TET3: variants seen among roughly 807,000 people sequenced by gnomAD.
TET3 encodes tet methylcytosine dioxygenase 3.
Under a neutral mutation model 141.4 loss-of-function variants are expected in TET3, and 19 were observed. The observed-to-expected ratio is 0.13, with a 90% CI of 0.09 to 0.20. TET3 has a LOEUF of 0.20. Ranked by LOEUF, TET3 falls within the 10% of genes least tolerant of loss-of-function variation. The pLI, the probability that TET3 is intolerant of heterozygous loss-of-function variation, is 1.00. For synonymous variants in TET3, 1,043 were observed against 980.9 expected, an observed-to-expected ratio of 1.06 and a Z score of -1.18; for missense variants, 1,874 against 2,356.9, an observed-to-expected ratio of 0.80 and a Z score of 4.24.
chr2:74,047,448 G>C lies in TET3; in HGVS notation c.1531G>C (p.Ala511Pro). 2 of 1,612,474 alleles carry C rather than the reference G, an allele frequency of 1.2e-6. No individual in the cohort carries two copies. The highest frequency in any genetic ancestry group is 1.7e-6 in the Non-Finnish European group (2 of 1,179,788). Residue 511 changes from alanine to proline, a missense_variant, in exon 4 of 12, where the codon GCT (alanine) becomes CCT (proline). By Grantham distance (27) the Ala-to-Pro change is conservative (BLOSUM62 -1). This residue lies in a region of TET3 where 484 missense variants were observed against 462.2 expected (regional missense o/e 1.05). Transcript: ENST00000409262. ...CCCATCCCCTGTACTTCAGAGGGAG[G>C]CTCCCACGCCATCCTCGGAGCCCGA... ...PAPSPVLQRE[A>P]PTPSSEPDTH...
At chr2:73,995,077 A>G (rs1467789407) in intron 2 of TET3, among the ~76,000 whole-genome samples, 2 of 152,032 alleles carry the variant, frequency 1.3e-5, no homozygotes, top group East Asian at 3.9e-4. Flanking sequence ...CTCCTGCCTC[A>G]GCCTCCCAGG....
chr2:74,127,739 T>C, the TET3 span, among the ~76,000 whole-genome samples: 2 of 151,354 alleles, frequency 1.3e-5, no homozygotes, highest in East Asian at 3.9e-4. Flanking sequence ...TTCGGAAAAA[T>C]AGCTTAATAG....
rs772345324 is a variant in TET3, at chr2:74,093,589, G to A, written c.3190G>A (p.Ala1064Thr). 6.8e-6 allele frequency: 11 copies of A among 1,613,632 alleles called. No homozygotes were observed. Among genetic ancestry groups the A allele is most frequent in the Non-Finnish European group, 6.8e-6 (8 of 1,179,738 alleles). Residue 1064 changes from alanine (A) to threonine (T), a missense_variant, in exon 10 of 12, where the codon GCG becomes ACG. This residue lies in a region of TET3 where 126 missense variants were observed against 327.4 expected (regional missense o/e 0.38). Coordinates refer to ENST00000409262, the MANE Select transcript of TET3 (RefSeq NM_001287491.2). The surrounding 1 kb of genome is among the most constrained non-coding windows in gnomAD (Gnocchi z 4.2). ...RLGLKEGRPF[A>T]GVTACMDFCA... ...GGGGCTGAAGGAAGGACGGCCCTTC[G>A]CGGGGGTCACGGCCTGCATGGACTT...
chr2:74,030,502 T>C (rs1686619629), intron 3 of TET3, among the ~76,000 whole-genome samples: 1 of 152,240 alleles, frequency 6.6e-6, no homozygotes, highest in Non-Finnish European at 1.5e-5. Context: ...AATGCAAACT[T>C]ATAAGCTCAA....
chr2:74,083,228 G>A (rs905073240), intron 6 of TET3, among the ~76,000 whole-genome samples: 10 of 152,186 alleles, frequency 6.6e-5, no homozygotes, highest in South Asian at 4.1e-4. Context: ...GATTCCAGGC[G>A]TGCCCTGGTT....
intron 3 of TET3, among the ~76,000 whole-genome samples, chr2:74,026,929 T>G (rs758063090): frequency 1.3e-5 from 2 of 152,208 alleles, no homozygotes; most frequent in African/African-American, 2.4e-5. Context: ...TTCTCCCCAC[T>G]CAAGAGTTGC....
the TET3 span, chr2:74,134,555 C>T: frequency 1.3e-5 from 5 of 377,492 alleles, no homozygotes; most frequent in South Asian, 5.7e-5. Flanking sequence ...CTCTGGTGGT[C>T]GGTTCCATGA....
intron 6 of TET3, among the ~76,000 whole-genome samples, chr2:74,083,712 C>T (rs998383155): frequency 6.6e-6 from 1 of 152,056 alleles, no homozygotes; most frequent in African/African-American, 2.4e-5. Flanking sequence ...TTTTAGTGCA[C>T]CCAGGGGCCT....
downstream of TET3, among the ~76,000 whole-genome samples, chr2:74,108,514 T>TTTG (rs1468437160): frequency 6.6e-6 from 1 of 152,204 alleles, no homozygotes; most frequent in African/African-American, 2.4e-5. Flanking sequence ...ACTTCTGATG[T>TTTG]TTGTTAGGTT....
intron 4 of TET3, among the ~76,000 whole-genome samples, chr2:74,062,156 C>T (rs972237624): frequency 6.6e-5 from 10 of 152,204 alleles, no homozygotes; most frequent in African/African-American, 2.2e-4. Context: ...AACCAGACTC[C>T]GTCTGCAATC....
chr2:74,005,266 A>T (rs1051617425), intron 3 of TET3, among the ~76,000 whole-genome samples: 1 of 152,196 alleles, frequency 6.6e-6, no homozygotes, highest in Non-Finnish European at 1.5e-5. Context: ...GAAAATCCAG[A>T]GGAAGCCTTC....
intron 4 of TET3, among the ~76,000 whole-genome samples, chr2:74,071,136 T>C (rs984122799): frequency 6.6e-6 from 1 of 152,102 alleles, no homozygotes; most frequent in African/African-American, 2.4e-5. Flanking sequence ...TATCTTCACA[T>C]AGGAGAGGAG....
chr2:74,039,970 G>T (rs1558736728), intron 3 of TET3, among the ~76,000 whole-genome samples: 1 of 152,150 alleles, frequency 6.6e-6, no homozygotes, highest in Admixed American at 6.5e-5. Context: ...TGAAGAGGAG[G>T]GAACATAGAC....
At chr2:74,057,218 T>G (rs1185700693) in intron 4 of TET3, among the ~76,000 whole-genome samples, 1 of 152,236 alleles carries the variant, frequency 6.6e-6, no homozygotes, top group Non-Finnish European at 1.5e-5. Context: ...CTTGACATCT[T>G]ATCAGAGTGA....
chr2:74,128,992 TAAA>T, the TET3 span, among the ~76,000 whole-genome samples: 4 of 77,932 alleles, frequency 5.1e-5, no homozygotes, highest in African/African-American at 1.2e-4. Context: ...TGTCTCAATT[TAAA>T]AAAAAAAAAA....
intron 3 of TET3, among the ~76,000 whole-genome samples, chr2:74,026,908 C>T (rs974864931): frequency 6.6e-6 from 1 of 152,224 alleles, no homozygotes; most frequent in Non-Finnish European, 1.5e-5. Flanking sequence ...CAGGGCTGTC[C>T]CAGCTTGCTT....
chr2:74,049,666 C>T (rs1019888880), intron 4 of TET3, among the ~76,000 whole-genome samples: 5 of 152,136 alleles, frequency 3.3e-5, no homozygotes, highest in South Asian at 2.1e-4. Flanking sequence ...GTGAAAAATA[C>T]GTAAATATCA....
intron 2 of TET3, among the ~76,000 whole-genome samples, chr2:74,000,991 A>G (rs1684823385): frequency 6.6e-6 from 1 of 152,074 alleles, no homozygotes; most frequent in African/African-American, 2.4e-5. Flanking sequence ...GTGTGAGGGC[A>G]GGGGTTTTGG....
At chr2:74,135,113 T>G in the TET3 span, 30 of 211,212 alleles carry the variant, frequency 1.4e-4, no homozygotes, top group Admixed American at 9.5e-4. Context: ...CCCCCAAATT[T>G]TCAGAGTCCA....
Sources: allele counts gnomAD v4.1 joint callset (sites outside exome capture counted in the v4.1 genomes callset), GRCh38; gene constraint gnomAD v4.1.1; regional missense constraint gnomAD v4.1.1; non-coding constraint Gnocchi (gnomAD v3.1); transcripts MANE v1.5; gene names NCBI Gene and HGNC (gene_info 2026-07-23, HGNC 2026-07-21).